ANKRD18A: variants seen among roughly 807,000 people sequenced by gnomAD.
ANKRD18A encodes ankyrin repeat domain-containing protein 18A.
In ANKRD18A, 72 loss-of-function variants were observed where a neutral mutation model predicts 110.6. That is an observed-to-expected ratio of 0.65 (90% confidence interval 0.54 to 0.79). ANKRD18A has a LOEUF of 0.79. ANKRD18A is among the 30% of genes least tolerant of loss of function. The pLI, the probability that ANKRD18A is intolerant of heterozygous loss-of-function variation, is 0.00. For missense variants in ANKRD18A, 934 were observed against 1,163.3 expected, an observed-to-expected ratio of 0.80 and a Z score of 2.87; for synonymous variants, 305 against 410.3, an observed-to-expected ratio of 0.74 and a Z score of 3.10.
chr9:38,573,579 G>C (rs1173279556), intron 15 of ANKRD18A, among the ~76,000 whole-genome samples: 1 of 152,094 alleles, frequency 6.6e-6, no homozygotes, highest in African/African-American at 2.4e-5. Context: ...GCTGGGTGTG[G>C]TGGTGCATGC....
intron 13 of ANKRD18A, among the ~76,000 whole-genome samples, 180 bp from the exon 14 acceptor site, chr9:38,577,444 T>G (rs2118653839): frequency 6.6e-6 from 1 of 152,312 alleles, no homozygotes; most frequent in African/African-American, 2.4e-5. Context: ...CAGAATTGTC[T>G]GATTTAAAAA....
downstream of ANKRD18A, among the ~76,000 whole-genome samples, chr9:38,570,591 G>A (rs1823602812): frequency 6.6e-6 from 1 of 152,186 alleles, no homozygotes; most frequent in African/African-American, 2.4e-5. Flanking sequence ...TGCTGATCAG[G>A]TCCCAACTGA....
chr9:38,574,070 T>C (rs1823775328), intron 15 of ANKRD18A, among the ~76,000 whole-genome samples: 1 of 152,180 alleles, frequency 6.6e-6, no homozygotes, highest in Non-Finnish European at 1.5e-5. Flanking sequence ...TCCCTCCCCA[T>C]TCTTATTTCC....
At chr9:38,586,765 T>TG (rs1563960504) in intron 11 of ANKRD18A, among the ~76,000 whole-genome samples, 3 of 152,114 alleles carry the variant, frequency 2.0e-5, no homozygotes, top group Non-Finnish European at 2.9e-5. Flanking sequence ...GGGTTCACCA[T>TG]GTTGGTCAGG....
rs1823777143 is a variant in ANKRD18A, at chr9:38,574,120, G to A, written c.2964+1356C>T. ...CCCATGTTTATGTCAATGGGCACCT[G>A]ATGTGTAGCTCCCACATATGAGAGC... On this transcript the variant is annotated intron_variant, in intron 15 of 15. Transcript: ENST00000399703. Among the ~76,000 whole-genome samples, 7 of 152,268 alleles carry A rather than the reference G, an allele frequency of 4.6e-5. No individual in the cohort carries two copies. The South Asian group carries it at 1.5e-3, about 32-fold the overall frequency.
At chr9:38,613,798 A>C (rs1434724207) in intron 3 of ANKRD18A, among the ~76,000 whole-genome samples, 1 of 152,234 alleles carries the variant, frequency 6.6e-6, no homozygotes, top group African/African-American at 2.4e-5. Flanking sequence ...AAGATTTGCT[A>C]CCGATCTAAT....
rs774637590 is a variant in ANKRD18A at position 38,577,887 on chromosome 9, A to G, written c.2509T>C (p.Leu837=). 3.1e-6 allele frequency: 5 copies of G among 1,587,716 alleles called. No individual in the cohort carries two copies. In the East Asian group the frequency reaches 1.1e-4, roughly 36 times the overall value. ...CTAACCTGTAAATGGATTTCTTCTAATTTTTCTATTTCCTGCACTGCCCTT... is the reference window on the plus strand; with the variant it reads ...CTAACCTGTAAATGGATTTCTTCTAGTTTTTCTATTTCCTGCACTGCCCTT... The part of the protein sequence containing the change: ...DERAVQEIEK[L]EEIHLQKQAE... The change falls in exon 13 of 16, where the codon TTA becomes CTA. Residue 837 remains leucine (L), a synonymous_variant. Coordinates refer to ENST00000399703, the MANE Select transcript of ANKRD18A (RefSeq NM_147195.4).
At chr9:38,596,672 T>C (rs1187058101) in intron 8 of ANKRD18A, among the ~76,000 whole-genome samples, 2 of 152,182 alleles carry the variant, frequency 1.3e-5, no homozygotes, top group Non-Finnish European at 2.9e-5. Flanking sequence ...TGGAAAAGCC[T>C]TTCTCTGAAT....
chr9:38,601,236 T>A, intron 7 of ANKRD18A, 32 bp from the exon 8 acceptor site: 1 of 1,523,312 alleles, frequency 6.6e-7, no homozygotes, highest in Non-Finnish European at 8.9e-7. Context: ...TTAAAATGAA[T>A]GATTTAAAGA....
rs978583288 is a variant in ANKRD18A, at chr9:38,577,158, T to G, written c.2636A>C (p.Lys879Thr). The G allele has an allele frequency of 6.5e-7, 1 of 1,549,276 alleles. No homozygotes were observed. The highest frequency in any genetic ancestry group is 2.0e-5 in the Admixed American group (1 of 50,866). The change falls in exon 14 of 16, where the codon AAA (lysine) becomes ACA (threonine). Residue 879 changes from lysine to threonine, a missense_variant. Transcript: ENST00000399703. ...TLKDVECKFS[K>T]MKTAYEEVTT... ...AACCTCTTCATAAGCAGTTTTCATT[T>G]TGGAGAATTTACATTCCACATCTTT...
chr9:38,604,366 T>C (rs1157211769), intron 6 of ANKRD18A: 2 of 150,856 alleles, frequency 1.3e-5, no homozygotes, highest in Non-Finnish European at 1.5e-5. Flanking sequence ...AAAAGACACA[T>C]GTGAAGAAAA....
At chr9:38,602,414 G>T (rs1320944381) in intron 7 of ANKRD18A, among the ~76,000 whole-genome samples, 1 of 152,108 alleles carries the variant, frequency 6.6e-6, no homozygotes, top group Non-Finnish European at 1.5e-5. Context: ...AGGGAGAGAA[G>T]CCTCCCAGAG....
Position 38,593,080 on chromosome 9 carries a change from C to T in ANKRD18A, c.2004+680G>A, listed in dbSNP as rs867915091. Among the ~76,000 whole-genome samples the T allele has an allele frequency of 1.4e-3, 209 of 152,304 alleles. 3 individuals carry two copies. Among genetic ancestry groups the T allele is most frequent in the Non-Finnish European group, 1.3e-3 (88 of 68,022 alleles). On this transcript the variant is annotated intron_variant, in intron 10 of 15. Transcript: ENST00000399703. ...GAGTTGTACATTTTAAATGGTTGAA[C>T]TGTCTGACATGTGAATTATCTCTCA...
At position 38,608,532 on chromosome 9, in the gene ANKRD18A, A is replaced by T. The variant is rs559102174; in HGVS notation, c.741-1039T>A. Among the ~76,000 whole-genome samples, 123 of 147,784 alleles carry T rather than the reference A, an allele frequency of 8.3e-4. 1 individual carries two copies. The highest frequency in any genetic ancestry group is 1.6e-3 in the African/African-American group (67 of 40,798). On this transcript the variant is annotated intron_variant, in intron 5 of 15. Transcript: ENST00000399703. Reference sequence around the variant, plus strand: ...TTCATTATGAGATTATATAATCTATAATTATATAATATATAGATTATATAA... The same window carrying T: ...TTCATTATGAGATTATATAATCTATTATTATATAATATATAGATTATATAA...
rs142816742 is a variant in ANKRD18A, at chr9:38,594,136, C to T, written c.1855-227G>A. 3.0e-3 allele frequency among the ~76,000 whole-genome samples: 461 copies of T among 152,256 alleles called. 2 individuals carry two copies. Among genetic ancestry groups the T allele is most frequent in the Middle Eastern group, 0.01 (3 of 294 alleles). On this transcript the variant is annotated intron_variant, in intron 9 of 15. Coordinates refer to ENST00000399703, the MANE Select transcript of ANKRD18A (RefSeq NM_147195.4). ...TCTTACATGACAGATTGATCCAGCC[C>T]GCTATTCACTCACCTTAGACCCTCA...
chr9:38,571,175 G>A (rs1352171444), downstream of ANKRD18A: 32 of 1,534,364 alleles, frequency 2.1e-5, no homozygotes, highest in Non-Finnish European at 2.7e-5. Context: ...CGCATGATGG[G>A]AAGGGCTCGC....
rs1417842103 is a variant in ANKRD18A at position 38,615,972 on chromosome 9, C to A, written c.279G>T (p.Gln93His). The part of the protein sequence containing the change: ...VVTLLLHRRC[Q>H]IDICDRLNRT... ...TGTTTAGTCTGTCACAGATGTCGAT[C>A]TGGCATCTTCTGTGCAGCAAGAGAG... is the stretch of plus-strand genomic sequence containing the variant. Residue 93 changes from glutamine to histidine, a missense_variant, in exon 2 of 16, where the codon CAG (glutamine) becomes CAT (histidine). Physicochemically the swap from Gln to His is conservative, Grantham distance 24. Around this residue, in one of 4 missense-constraint regions of ANKRD18A, gnomAD observed 630 missense variants for 797.5 expected, o/e 0.79. Coordinates refer to ENST00000399703, the MANE Select transcript of ANKRD18A (RefSeq NM_147195.4). 5 of 1,586,916 alleles carry A rather than the reference C, an allele frequency of 3.2e-6. No individual in the cohort carries two copies. Among genetic ancestry groups the A allele is most frequent in the Admixed American group, 1.8e-5 (1 of 55,334 alleles).
At chr9:38,593,961 A>C in intron 9 of ANKRD18A, 52 bp from the exon 10 acceptor site, 1 of 1,412,872 alleles carries the variant, frequency 7.1e-7, no homozygotes, top group Non-Finnish European at 9.3e-7. Flanking sequence ...TTATTAAATT[A>C]TGTTAATATT....
Position 38,588,617 on chromosome 9 carries a change from G to A in ANKRD18A, c.2051C>T (p.Ser684Leu). 7.2e-7 allele frequency: 1 copy of A among 1,393,974 alleles called. No individual in the cohort carries two copies. Among genetic ancestry groups the A allele is most frequent in the Non-Finnish European group, 9.4e-7 (1 of 1,067,560 alleles). 86.4% of individuals were successfully genotyped at this position (1,393,974 alleles called of 1,614,324 possible). A position where few individuals can be genotyped will look rare whatever the true frequency, so the allele number is the denominator to read the frequency against. Residue 684 changes from serine to leucine, a missense_variant, in exon 11 of 16, where the codon TCA becomes TTA. By Grantham distance (145) the Ser-to-Leu change is moderately radical. This residue lies in a region of ANKRD18A where 79 missense variants were observed against 122.8 expected (regional missense o/e 0.64). Coordinates refer to ENST00000399703, the MANE Select transcript of ANKRD18A (RefSeq NM_147195.4). ...EEFRKLFELI[S>L]LLNYTADQIR... ...TTGGTCCGCAGTATAGTTCAGTAAT[G>A]ATATTAATTCAAAAAGTTTTCTGAA...
Sources: gnomAD v4.1 joint callset for allele counts (sites outside exome capture counted in the v4.1 genomes callset) on GRCh38, gnomAD v4.1.1 for gene constraint, gnomAD v4.1.1 regional missense constraint, MANE v1.5 for transcripts, NCBI Gene and HGNC (gene_info 2026-07-23, HGNC 2026-07-21) for gene names.